EMILIN2: variants seen among roughly 807,000 people sequenced by gnomAD.
The protein encoded by EMILIN2 is EMILIN-2.
Under a neutral mutation model 87.1 loss-of-function variants are expected in EMILIN2, and 71 were observed. The ratio of observed to expected loss-of-function variants is 0.82; its 90% CI spans 0.67 to 0.99. The LOEUF (loss-of-function observed/expected upper bound fraction) is 0.99. Among genes scored for constraint, EMILIN2 ranks in the 50% least tolerant of loss-of-function variants. The pLI, the probability that EMILIN2 is intolerant of heterozygous loss-of-function variation, is 0.00. For synonymous variants in EMILIN2, 581 were observed against 563.4 expected, an observed-to-expected ratio of 1.03 and a Z score of -0.44; for missense variants, 1,407 against 1,371.8, an observed-to-expected ratio of 1.03 and a Z score of -0.40.
intron 3 of EMILIN2, among the ~76,000 whole-genome samples, chr18:2,886,976 CCT>C (rs2076806290): frequency 6.6e-6 from 1 of 152,174 alleles, no homozygotes; most frequent in Non-Finnish European, 1.5e-5. Context: ...TGTTGAATTC[CCT>C]GTTTCCTGTG....
chr18:2,852,006 G>T (rs1038304084), intron 2 of EMILIN2, among the ~76,000 whole-genome samples: 16 of 152,174 alleles, frequency 1.1e-4, no homozygotes, highest in African/African-American at 4.8e-5. Context: ...ACTGCCCTCT[G>T]TCTCTATAGC....
intron 4 of EMILIN2, among the ~76,000 whole-genome samples, chr18:2,901,041 A>G (rs1000852261): frequency 2.6e-5 from 4 of 152,234 alleles, no homozygotes; most frequent in Non-Finnish European, 5.9e-5. Flanking sequence ...GGGGCATTAA[A>G]AGGGCACACC....
intron 7 of EMILIN2, among the ~76,000 whole-genome samples, chr18:2,910,585 T>G (rs1320602599): frequency 6.6e-6 from 1 of 151,894 alleles, no homozygotes; most frequent in East Asian, 1.9e-4. Flanking sequence ...CTGACGTCTC[T>G]CTCTGCCCTC....
intron 2 of EMILIN2, among the ~76,000 whole-genome samples, chr18:2,867,746 A>G (rs970904119): frequency 2.6e-5 from 4 of 152,202 alleles, no homozygotes; most frequent in African/African-American, 4.8e-5. Context: ...TCCCATGTCT[A>G]CTTCTTTCTA....
intron 7 of EMILIN2, among the ~76,000 whole-genome samples, chr18:2,910,244 G>T (rs866903275): frequency 7.2e-5 from 11 of 152,168 alleles, no homozygotes; most frequent in African/African-American, 2.4e-4. Context: ...CTCCCTCAGG[G>T]TCTCCTAGTT....
At chr18:2,874,228 G>GT (rs113532875) in intron 2 of EMILIN2, among the ~76,000 whole-genome samples, 6,932 of 151,804 alleles carry the variant, frequency 0.046, 279 homozygotes, top group African/African-American at 0.11. Flanking sequence ...TCTTGTTGTT[G>GT]TTTTTTTTAA....
At position 2,892,039 on chromosome 18, in the gene EMILIN2, G is replaced by T; in HGVS notation, c.1912G>T (p.Ala638Ser). 6.2e-7 allele frequency: 1 copy of T among 1,614,214 alleles called. No individual in the cohort carries two copies. The highest frequency in any genetic ancestry group is 8.5e-7 in the Non-Finnish European group (1 of 1,180,038). ...EMSNCRAGEN[A>S]GMGRFTKVGE... ...GAGCAATTGTAGAGCAGGTGAAAACGCTGGCATGGGTAGGTTCACTAAGGT... is the reference window on the plus strand; with the variant it reads ...GAGCAATTGTAGAGCAGGTGAAAACTCTGGCATGGGTAGGTTCACTAAGGT... The change falls in exon 4 of 8, where the codon GCT becomes TCT. Residue 638 changes from alanine (A) to serine (S), a missense_variant. Transcript: ENST00000254528.
chr18:2,889,430 G>A (rs531126754), intron 3 of EMILIN2, among the ~76,000 whole-genome samples: 1 of 151,904 alleles, frequency 6.6e-6, no homozygotes, highest in South Asian at 2.1e-4. Context: ...GAGCCATCAT[G>A]GCTGGATGCA....
chr18:2,859,842 T>G (rs1225697039), intron 2 of EMILIN2, among the ~76,000 whole-genome samples: 2 of 150,108 alleles, frequency 1.3e-5, no homozygotes, highest in Non-Finnish European at 2.9e-5. Flanking sequence ...TTCCCCACTT[T>G]ATGTTTTTGT....
intron 2 of EMILIN2, among the ~76,000 whole-genome samples, chr18:2,875,608 C>T (rs1398210147): frequency 6.6e-6 from 1 of 152,204 alleles, no homozygotes; most frequent in Non-Finnish European, 1.5e-5. Flanking sequence ...CCCCACCTCC[C>T]CACGCTTAGG....
chr18:2,878,776 G>T (rs189381975), intron 2 of EMILIN2, among the ~76,000 whole-genome samples: 2 of 152,124 alleles, frequency 1.3e-5, no homozygotes, highest in African/African-American at 4.8e-5. Flanking sequence ...CATCCTCCCG[G>T]CTCCGTTCCA....
intron 7 of EMILIN2, among the ~76,000 whole-genome samples, chr18:2,912,395 T>C (rs529050137): frequency 6.6e-6 from 1 of 152,246 alleles, no homozygotes; most frequent in Admixed American, 6.5e-5. Flanking sequence ...TCTTGGCTTG[T>C]TGTCAGCGGC....
chr18:2,899,878 G>A (rs1418504150), intron 4 of EMILIN2, among the ~76,000 whole-genome samples: 1 of 152,240 alleles, frequency 6.6e-6, no homozygotes, highest in African/African-American at 2.4e-5. Flanking sequence ...TGCCTTCTCT[G>A]TCGGGGTTCT....
intron 7 of EMILIN2, among the ~76,000 whole-genome samples, chr18:2,911,099 G>T (rs935734662): frequency 6.6e-6 from 1 of 151,950 alleles, no homozygotes; most frequent in African/African-American, 2.4e-5. Flanking sequence ...GAGTGAGACT[G>T]AGGCAAGTTT....
In EMILIN2 at chr18:2,906,726, C is replaced by T. The variant is rs1164280718; in HGVS notation, c.2360-57C>T. ...ACTCATGGAGGGGACCCTGACGGGG[C>T]AGTCAGGGCTGAGGTTTCCTAATCC... On this transcript the variant is annotated intron_variant, in intron 4 of 7. Transcript: ENST00000254528. The T allele has an allele frequency of 1.2e-5, 14 of 1,190,596 alleles. No individual in the cohort carries two copies. In the East Asian group the frequency reaches 3.6e-4, roughly 31 times the overall value. The allele number at this position is 1,190,596 out of a possible 1,614,324, so 73.8% of individuals were successfully genotyped here.
chr18:2,850,711 C>T (rs568527156), intron 2 of EMILIN2, among the ~76,000 whole-genome samples: 4 of 152,074 alleles, frequency 2.6e-5, no homozygotes, highest in East Asian at 3.9e-4. Flanking sequence ...GGAGGTTGGC[C>T]GAGATGCTGG....
chr18:2,847,029 G>A lies in EMILIN2; in HGVS notation c.-160G>A. ...GCAGAAGGAGAAGTAGGAACGAGAA[G>A]CCGGAGGGGGCGGCCGCGGAGCACT... On this transcript the variant is annotated 5_prime_UTR_variant, in exon 1 of 8. Transcript: ENST00000254528. This position sits in a 1 kb window ranked among gnomAD's most constrained non-coding sequence, Gnocchi z 4.5. The A allele has an allele frequency of 9.5e-7, 1 of 1,053,722 alleles. No homozygotes were observed. Among genetic ancestry groups the A allele is most frequent in the Non-Finnish European group, 1.2e-6 (1 of 868,734 alleles). The allele number at this position is 1,053,722 out of a possible 1,614,324, so 65.3% of individuals were successfully genotyped here.
chr18:2,868,301 C>T (rs1005659809), intron 2 of EMILIN2, among the ~76,000 whole-genome samples: 28 of 152,024 alleles, frequency 1.8e-4, no homozygotes, highest in Non-Finnish European at 8.8e-5. Context: ...AAGAGGCGCT[C>T]CTCACTTTCC....
intron 4 of EMILIN2, among the ~76,000 whole-genome samples, chr18:2,892,821 G>C (rs72870053): frequency 1.3e-5 from 2 of 149,362 alleles, no homozygotes; most frequent in African/African-American, 2.5e-5. Flanking sequence ...GGAGTCAAAG[G>C]AGGGTGGATC....
Sources: allele counts gnomAD v4.1 joint callset (sites outside exome capture counted in the v4.1 genomes callset), GRCh38; gene constraint gnomAD v4.1.1; non-coding constraint Gnocchi (gnomAD v3.1); transcripts MANE v1.5; gene names NCBI Gene and HGNC (gene_info 2026-07-23, HGNC 2026-07-21).